Variants in SCAPER observed in about 807,000 individuals in gnomAD.
SCAPER encodes the protein S-phase cyclin A associated protein in the ER, also known as S phase cyclin A-associated protein in the endoplasmic reticulum.
In SCAPER, 98 loss-of-function variants were observed where a neutral mutation model predicts 182.2. The observed-to-expected ratio is 0.54, with a 90% CI of 0.46 to 0.64. The LOEUF (loss-of-function observed/expected upper bound fraction) is 0.64, where lower values mean the gene tolerates loss of function less well. Ranked by LOEUF, SCAPER falls within the 30% of genes least tolerant of loss-of-function variation. The pLI, the probability that SCAPER is intolerant of heterozygous loss-of-function variation, is 0.00. For missense variants in SCAPER, 1,432 were observed against 1,690.0 expected (o/e 0.85, Z 2.68); for synonymous variants, 605 against 564.6 (o/e 1.07, Z -1.01).
At chr15:76,825,698 T>C (rs1490971688) in intron 5 of SCAPER, among the ~76,000 whole-genome samples, 1 of 152,190 alleles carries the variant, frequency 6.6e-6, no homozygotes, top group African/African-American at 2.4e-5. Flanking sequence ...AATCATAACC[T>C]TTCCTACTAC....
chr15:76,427,916 T>A lies in SCAPER; in HGVS notation c.3311+6162A>T, dbSNP rs540485584. ...TCACTGAACTCCAGCCTGGGTGACA[T>A]GAGCAAAACTCCATCTCAAAAAAAA... On this transcript the variant is annotated intron_variant, in intron 26 of 31. Transcript: ENST00000563290. Among the ~76,000 whole-genome samples, 399 of 138,486 alleles carry A rather than the reference T, an allele frequency of 2.9e-3. 3 individuals carry two copies. Among genetic ancestry groups the A allele is most frequent in the African/African-American group, 0.011 (383 of 35,648 alleles). The allele number at this position is 138,486 out of a possible 152,430, so 90.9% of individuals were successfully genotyped here.
chr15:76,788,578 C>T (rs1211787753), intron 8 of SCAPER, among the ~76,000 whole-genome samples: 1 of 151,848 alleles, frequency 6.6e-6, no homozygotes, highest in Admixed American at 6.6e-5. Context: ...AATTCATTAC[C>T]CTGTTTTTGA....
intron 26 of SCAPER, among the ~76,000 whole-genome samples, chr15:76,425,683 A>G (rs1445542872): frequency 2.0e-5 from 3 of 152,170 alleles, no homozygotes; most frequent in African/African-American, 4.8e-5. Context: ...TTGGAGGGTG[A>G]GAGGTGCTCT....
chr15:76,420,235 CTT>C (rs71143323), intron 26 of SCAPER, among the ~76,000 whole-genome samples: 1,450 of 116,904 alleles, frequency 0.012, 26 homozygotes, highest in African/African-American at 0.046. Context: ...ATGTTTTTTC[CTT>C]TTTTTTTTTT....
rs182323561 is a variant in SCAPER, at chr15:76,782,445, C to A, written c.773-7328G>T. 1.5e-3 allele frequency among the ~76,000 whole-genome samples: 232 copies of A among 152,240 alleles called. 1 individual carries two copies. The highest frequency in any genetic ancestry group is 5.2e-3 in the African/African-American group (218 of 41,540). On this transcript the variant is annotated intron_variant, in intron 8 of 31. Transcript: ENST00000563290. Reference sequence around the variant, plus strand: ...ACAATAATAATGGGAGACTTTAATACCCCACTATCCACATTAGACAGATCA... The same window carrying A: ...ACAATAATAATGGGAGACTTTAATAACCCACTATCCACATTAGACAGATCA...
chr15:76,612,464 G>A (rs1417905189), intron 22 of SCAPER, among the ~76,000 whole-genome samples: 1 of 152,048 alleles, frequency 6.6e-6, no homozygotes, highest in Non-Finnish European at 1.5e-5. Context: ...GTCTTGAACT[G>A]AACTCAACCA....
Position 76,472,863 on chromosome 15 carries a change from G to T in SCAPER, c.2955-1528C>A, listed in dbSNP as rs570637107. 8.5e-5 allele frequency among the ~76,000 whole-genome samples: 13 copies of T among 152,246 alleles called. No homozygotes were observed. The East Asian group carries it at 2.5e-3, about 29-fold the overall frequency. ...AGCCACCTTGGCACAAATCCCTTGTGGTATGAAATAACAAATTAGTTGTTA... is the reference window on the plus strand; with the variant it reads ...AGCCACCTTGGCACAAATCCCTTGTTGTATGAAATAACAAATTAGTTGTTA... On this transcript the variant is annotated intron_variant, in intron 24 of 31. Transcript: ENST00000563290.
In SCAPER at chr15:76,504,944, C is replaced by A. The variant is rs1175551920; in HGVS notation, c.2869G>T (p.Ala957Ser). The A allele has an allele frequency of 6.2e-7, 1 of 1,612,496 alleles. No homozygotes were observed. Among genetic ancestry groups the A allele is most frequent in the Admixed American group, 1.7e-5 (1 of 59,762 alleles). Residue 957 changes from alanine to serine, a missense_variant, in exon 24 of 32, where the codon GCT (alanine) becomes TCT (serine). Physicochemically the swap from Ala to Ser is moderately conservative, Grantham distance 99. Around this residue, in one of 5 missense-constraint regions of SCAPER, gnomAD observed 718 missense variants for 799.7 expected, o/e 0.90. Coordinates refer to ENST00000563290, the MANE Select transcript of SCAPER (RefSeq NM_020843.4). ...TGTTCAAGGGCTGTTAATCCACCAG[C>A]AGCTTGAAATGCAATCTGATCTGCC... is the stretch of plus-strand genomic sequence containing the variant. ...NVADQIAFQA[A>S]GGLTALEHIL...
In SCAPER at chr15:76,528,800, C is replaced by T. The variant is rs73446209; in HGVS notation, c.2839-23826G>A. Among the ~76,000 whole-genome samples, 1,018 of 152,262 alleles carry T rather than the reference C, an allele frequency of 6.7e-3. 13 individuals are homozygous for T. The highest frequency in any genetic ancestry group is 0.023 in the African/African-American group (972 of 41,562). On this transcript the variant is annotated intron_variant, in intron 23 of 31. Transcript: ENST00000563290. ...TGGCTCTCACTGTCTTTATCTGACT[C>T]ATCACTAACCAGTCCCTGATTATCT...
intron 20 of SCAPER, among the ~76,000 whole-genome samples, chr15:76,666,861 C>G (rs1344906907): frequency 1.3e-5 from 2 of 152,142 alleles, no homozygotes; most frequent in East Asian, 3.9e-4. Flanking sequence ...CACTCTCTTC[C>G]CTCCTGTTAT....
chr15:76,640,435 G>C (rs2054008884), intron 21 of SCAPER, among the ~76,000 whole-genome samples: 1 of 152,188 alleles, frequency 6.6e-6, no homozygotes, highest in African/African-American at 2.4e-5. Context: ...TTAGACATAA[G>C]CAAGCTAAAA....
intron 29 of SCAPER, among the ~76,000 whole-genome samples, chr15:76,356,868 T>C (rs181582037): frequency 9.2e-5 from 14 of 152,246 alleles, no homozygotes; most frequent in Admixed American, 9.2e-4. Flanking sequence ...ATGCATGGCC[T>C]CAATAGTAAT....
chr15:76,741,608 G>A (rs897039337), intron 15 of SCAPER, among the ~76,000 whole-genome samples: 5 of 152,046 alleles, frequency 3.3e-5, no homozygotes, highest in Admixed American at 3.3e-4. Context: ...AGAACTGCAG[G>A]TGTATGTATA....
intron 26 of SCAPER, among the ~76,000 whole-genome samples, chr15:76,414,618 A>C (rs902141436): frequency 6.6e-6 from 1 of 152,188 alleles, no homozygotes; most frequent in Non-Finnish European, 1.5e-5. Flanking sequence ...CCAAACAGTT[A>C]TGTGAGAAAT....
chr15:76,795,737 A>C (rs932370804), intron 7 of SCAPER, among the ~76,000 whole-genome samples: 1 of 152,196 alleles, frequency 6.6e-6, no homozygotes, highest in African/African-American at 2.4e-5. Context: ...TAGGTACCTT[A>C]AAGTTTTCAT....
intron 21 of SCAPER, among the ~76,000 whole-genome samples, chr15:76,638,024 A>G (rs1342831029): frequency 6.6e-6 from 1 of 152,016 alleles, no homozygotes; most frequent in Non-Finnish European, 1.5e-5. Flanking sequence ...TGCAAGAATT[A>G]TTTATATATT....
At chr15:76,505,053 C>A in intron 23 of SCAPER, 79 bp from the exon 24 acceptor site, 1 of 923,614 alleles carries the variant, frequency 1.1e-6, no homozygotes, top group South Asian at 1.5e-5. Flanking sequence ...TAGTCTGAAA[C>A]ATACTGATGG....
intron 25 of SCAPER, among the ~76,000 whole-genome samples, chr15:76,468,394 A>C (rs1354502597): frequency 6.6e-6 from 1 of 152,182 alleles, no homozygotes; most frequent in Non-Finnish European, 1.5e-5. Flanking sequence ...ATTCATGGGC[A>C]GAATAAACAT....
intron 25 of SCAPER, among the ~76,000 whole-genome samples, chr15:76,458,143 A>C (rs1185446221): frequency 5.9e-5 from 9 of 152,056 alleles, no homozygotes; most frequent in Admixed American, 5.9e-4. Flanking sequence ...TTATTTACCT[A>C]TATGAAATTT....
Sources: gnomAD v4.1 joint callset for allele counts (sites outside exome capture counted in the v4.1 genomes callset) on GRCh38, gnomAD v4.1.1 for gene constraint, gnomAD v4.1.1 regional missense constraint, MANE v1.5 for transcripts, NCBI Gene and HGNC (gene_info 2026-07-23, HGNC 2026-07-21) for gene names.